DSCAM: variants seen among roughly 807,000 people sequenced by gnomAD.
The protein encoded by DSCAM is DS cell adhesion molecule.
In DSCAM, 47 loss-of-function variants were observed where a neutral mutation model predicts 217.7. The ratio of observed to expected loss-of-function variants is 0.22; its 90% confidence interval spans 0.17 to 0.28. The LOEUF is 0.28. Ranked by LOEUF, DSCAM falls within the 10% of genes least tolerant of loss-of-function variation. The probability of loss-of-function intolerance (pLI) is 1.00; values close to 1 mark genes in which losing one functional copy is unlikely to be tolerated. For synonymous variants in DSCAM, 1,056 were observed against 1,015.3 expected (o/e 1.04, Z -0.76); for missense variants, 2,080 against 2,618.3 (o/e 0.79, Z 4.49).
chr21:40,481,256 G>A (rs954467601), intron 3 of DSCAM, among the ~76,000 whole-genome samples: 5 of 152,214 alleles, frequency 3.3e-5, no homozygotes, highest in Non-Finnish European at 7.4e-5. Flanking sequence ...TTGGGAGGCC[G>A]AAGCAGACAG....
At chr21:40,583,610 A>T (rs932814828) in intron 3 of DSCAM, among the ~76,000 whole-genome samples, 2 of 152,136 alleles carry the variant, frequency 1.3e-5, no homozygotes, top group South Asian at 4.1e-4. Context: ...CCTAGTTTTT[A>T]AAAAATGCCA....
At chr21:40,802,741 G>A (rs1348560652) in intron 1 of DSCAM, among the ~76,000 whole-genome samples, 2 of 152,222 alleles carry the variant, frequency 1.3e-5, no homozygotes, top group Non-Finnish European at 2.9e-5. Flanking sequence ...GGCTGCCTCA[G>A]GACTCTGCAA....
At chr21:40,551,217 A>G (rs1268379630) in intron 3 of DSCAM, among the ~76,000 whole-genome samples, 2 of 152,216 alleles carry the variant, frequency 1.3e-5, no homozygotes, top group African/African-American at 2.4e-5. Context: ...TAAGACATCA[A>G]TCAATACATG....
chr21:40,698,707 T>C (rs1395671731), intron 2 of DSCAM, among the ~76,000 whole-genome samples: 1 of 151,800 alleles, frequency 6.6e-6, no homozygotes, highest in African/African-American at 2.4e-5. Flanking sequence ...CCATTTTTAC[T>C]AAAAATACAA....
At chr21:40,681,345 A>G (rs2090398186) in intron 3 of DSCAM, among the ~76,000 whole-genome samples, 1 of 152,176 alleles carries the variant, frequency 6.6e-6, no homozygotes, top group African/African-American at 2.4e-5. Flanking sequence ...TGCAGCTGGG[A>G]CAGCGGCAGC....
intron 16 of DSCAM, among the ~76,000 whole-genome samples, chr21:40,164,011 C>CCCAT (rs1249301564): frequency 6.6e-6 from 1 of 152,192 alleles, no homozygotes; most frequent in African/African-American, 2.4e-5. Context: ...CCTTCACTTA[C>CCCAT]CCATTCATTC....
At chr21:40,261,995 T>C (rs766919431) in intron 11 of DSCAM, among the ~76,000 whole-genome samples, 2 of 151,532 alleles carry the variant, frequency 1.3e-5, no homozygotes, top group African/African-American at 2.4e-5. Flanking sequence ...CACCTGAGAG[T>C]TAACTTGAGT....
intron 11 of DSCAM, 144 bp from the exon 12 acceptor site, chr21:40,189,382 C>A: frequency 1.3e-6 from 1 of 768,150 alleles, no homozygotes; most frequent in Non-Finnish European, 2.0e-6. Context: ...GAATCTCGAG[C>A]AAAATAAAGG....
intron 3 of DSCAM, among the ~76,000 whole-genome samples, chr21:40,685,559 T>G (rs2090464020): frequency 6.6e-6 from 1 of 152,134 alleles, no homozygotes; most frequent in Non-Finnish European, 1.5e-5. Flanking sequence ...GCTGGAGAAA[T>G]TAAGTGCTTC....
At chr21:40,793,838 G>A (rs1004224928) in intron 1 of DSCAM, among the ~76,000 whole-genome samples, 1 of 152,078 alleles carries the variant, frequency 6.6e-6, no homozygotes, top group Non-Finnish European at 1.5e-5. Context: ...AGAGAATGAA[G>A]CATTTTGTCT....
chr21:40,040,143 G>A (rs1364331600), intron 32 of DSCAM, among the ~76,000 whole-genome samples: 1 of 152,208 alleles, frequency 6.6e-6, no homozygotes, highest in African/African-American at 2.4e-5. Context: ...CAGATGTTCA[G>A]TAATAATGCA....
At chr21:40,379,823 G>A (rs1225818202) in intron 3 of DSCAM, among the ~76,000 whole-genome samples, 1 of 152,182 alleles carries the variant, frequency 6.6e-6, no homozygotes, top group Admixed American at 6.5e-5. Flanking sequence ...ATCATATTGA[G>A]GGGGCAGAGC....
At chr21:40,303,389 G>A (rs561050362) in intron 9 of DSCAM, among the ~76,000 whole-genome samples, 6 of 152,104 alleles carry the variant, frequency 3.9e-5, no homozygotes, top group East Asian at 1.9e-4. Flanking sequence ...TCCCTGGGAC[G>A]TACGCCTTCA....
chr21:40,138,491 T>G (rs1031750507), intron 18 of DSCAM, among the ~76,000 whole-genome samples: 4 of 146,246 alleles, frequency 2.7e-5, no homozygotes, highest in Non-Finnish European at 6.0e-5. Context: ...GGGGTGTGTG[T>G]GGTGTGTGTG....
chr21:40,307,339 C>T (rs377164903), intron 9 of DSCAM, among the ~76,000 whole-genome samples: 10 of 152,012 alleles, frequency 6.6e-5, no homozygotes, highest in South Asian at 6.3e-4. Context: ...AAAATGCTCA[C>T]CGTCACTGGC....
chr21:40,560,746 T>C (rs1260181651), intron 3 of DSCAM, among the ~76,000 whole-genome samples: 1 of 152,222 alleles, frequency 6.6e-6, no homozygotes, highest in Non-Finnish European at 1.5e-5. Flanking sequence ...GTACCGGTTG[T>C]TTGCCCCCGT....
At chr21:40,802,436 T>C (rs1191653188) in intron 1 of DSCAM, among the ~76,000 whole-genome samples, 1 of 152,064 alleles carries the variant, frequency 6.6e-6, no homozygotes, top group Non-Finnish European at 1.5e-5. Context: ...GTTATGGGGA[T>C]GGATTGCATA....
At chr21:40,265,511 A>C (rs2123341075) in intron 11 of DSCAM, among the ~76,000 whole-genome samples, 1 of 152,228 alleles carries the variant, frequency 6.6e-6, no homozygotes, top group East Asian at 1.9e-4. Context: ...ATTCATAGGG[A>C]ACCAAAAAAG....
chr21:40,102,209 A>T (rs111672508), intron 20 of DSCAM, among the ~76,000 whole-genome samples: 2,904 of 152,294 alleles, frequency 0.019, 91 homozygotes, highest in African/African-American at 0.066. Context: ...ACATGGATGA[A>T]TATTTATAAG....
Sources: allele counts gnomAD v4.1 joint callset (sites outside exome capture counted in the v4.1 genomes callset), GRCh38; gene constraint gnomAD v4.1.1; transcripts MANE v1.5; gene names NCBI Gene and HGNC (gene_info 2026-07-23, HGNC 2026-07-21).